Variants in TNS3 observed in about 807,000 individuals in gnomAD.
The protein encoded by TNS3 is tensin 3, also known as tensin-3.
In TNS3, 45 loss-of-function variants were observed where a neutral mutation model predicts 140.9. The ratio of observed to expected loss-of-function variants is 0.32; its 90% CI spans 0.25 to 0.41. The LOEUF is 0.41. Ranked by LOEUF, TNS3 falls within the 10% of genes least tolerant of loss-of-function variation. TNS3 has a pLI of 1.00. For synonymous variants in TNS3, 815 were observed against 788.4 expected (o/e 1.03, Z -0.56); for missense variants, 1,716 against 1,906.7 (o/e 0.90, Z 1.86).
intron 23 of TNS3, among the ~76,000 whole-genome samples, chr7:47,301,737 A>C (rs1383714541): frequency 6.6e-6 from 1 of 151,938 alleles, no homozygotes; most frequent in Non-Finnish European, 1.5e-5. Context: ...CTCATTATTA[A>C]GTGCTTATGT....
intron 4 of TNS3, among the ~76,000 whole-genome samples, chr7:47,475,406 C>T (rs3111214): frequency 0.2 from 30,912 of 152,282 alleles, 3,887 homozygotes; most frequent in Non-Finnish European, 0.29. Flanking sequence ...GGTGCGGGCT[C>T]GGGACCTGCC....
At chr7:47,423,977 G>A in intron 10 of TNS3, 124 bp downstream of exon 10, 1 of 964,914 alleles carries the variant, frequency 1.0e-6, no homozygotes, top group Admixed American at 2.2e-5. Flanking sequence ...CACAGTCTTT[G>A]GCATGACCCA....
At chr7:47,351,076 C>T (rs530926749) in intron 17 of TNS3, among the ~76,000 whole-genome samples, 1 of 152,272 alleles carries the variant, frequency 6.6e-6, no homozygotes, top group South Asian at 2.1e-4. Flanking sequence ...ATATGTATTA[C>T]TTTTTAAAAT....
intron 3 of TNS3, among the ~76,000 whole-genome samples, chr7:47,484,419 G>T (rs1797536304): frequency 6.6e-6 from 1 of 152,182 alleles, no homozygotes; most frequent in African/African-American, 2.4e-5. Context: ...CCTGAAAAGA[G>T]ACTGTATTTC....
rs755713544 is a variant in TNS3 at position 47,352,340 on chromosome 7, TCA to T, written c.2282-5986_2282-5985del. Among the ~76,000 whole-genome samples, 33 of 152,072 alleles carry T rather than the reference TCA, an allele frequency of 2.2e-4. 1 individual carries two copies. The highest frequency in any genetic ancestry group is 3.2e-4 in the Non-Finnish European group (22 of 68,006). ...CAGTCTTGTACACTCACAGACAGCC[TCA>T]CACAGTCTCACACTCATTCTCACAC... On this transcript the variant is annotated intron_variant, in intron 17 of 30. Transcript: ENST00000311160.
chr7:47,347,796 T>C (rs1405877637), intron 17 of TNS3, among the ~76,000 whole-genome samples: 1 of 152,180 alleles, frequency 6.6e-6, no homozygotes. Context: ...GACCTGGGAT[T>C]TGGGGTCTCA....
At chr7:47,352,652 AC>A (rs537417582) in intron 17 of TNS3, among the ~76,000 whole-genome samples, 131 of 152,244 alleles carry the variant, frequency 8.6e-4, no homozygotes, top group African/African-American at 3.0e-3. Context: ...GGACGAGGCC[AC>A]CCATCAGCAT....
intron 13 of TNS3, among the ~76,000 whole-genome samples, chr7:47,402,971 A>G (rs964996576): frequency 1.3e-5 from 2 of 152,232 alleles, no homozygotes; most frequent in Non-Finnish European, 2.9e-5. Flanking sequence ...GAAACTCCTC[A>G]GGAGGCAGCT....
intron 1 of TNS3, among the ~76,000 whole-genome samples, chr7:47,551,462 G>C (rs950663163): frequency 1.4e-4 from 22 of 152,196 alleles, no homozygotes; most frequent in African/African-American, 5.1e-4. Flanking sequence ...GCCACCTCAG[G>C]CCAAAGGGAA....
intron 1 of TNS3, among the ~76,000 whole-genome samples, chr7:47,536,128 A>G (rs148343921): frequency 4.6e-5 from 7 of 152,360 alleles, no homozygotes; most frequent in African/African-American, 1.7e-4. Flanking sequence ...CATCCAACAC[A>G]TATTGTTCCC....
intron 9 of TNS3, among the ~76,000 whole-genome samples, chr7:47,425,199 C>T (rs1794583310): frequency 1.3e-5 from 2 of 152,094 alleles, no homozygotes; most frequent in African/African-American, 4.8e-5. Flanking sequence ...TGCCTATAAT[C>T]CCAGCTACTT....
rs535731996 is a variant in TNS3 at position 47,344,836 on chromosome 7, T to C, written c.2569A>G (p.Lys857Glu). 9.9e-6 allele frequency: 16 copies of C among 1,613,884 alleles called. No homozygotes were observed. In the South Asian group the frequency reaches 1.4e-4, roughly 14 times the overall value. The stretch of plus-strand genomic sequence containing the variant: ...AACGGAGGATGGCGCAGCGCTGTTT[T>C]CACTGGAAAAGAAAGCAGAGCAAGG... ...FPVSPETPYVKTALRHPPFSP... is the reference protein window; with the variant it reads ...FPVSPETPYVETALRHPPFSP... Residue 857 changes from lysine to glutamate, a missense_variant and splice_region_variant, in exon 20 of 31, where the codon AAA becomes GAA. This residue lies in a region of TNS3 where 1,163 missense variants were observed against 1,182.1 expected (regional missense o/e 0.98). Transcript: ENST00000311160.
rs1454827053 is a variant in TNS3 at position 47,303,489 on chromosome 7, G to A, written c.2918C>T (p.Ala973Val). The A allele has an allele frequency of 3.1e-6, 5 of 1,610,490 alleles. No homozygotes were observed. The highest frequency in any genetic ancestry group is 1.1e-5 in the South Asian group (1 of 91,038). ...GTCCTTCCTGGTACCGGAGAACTCA[G>A]CGCTGAGGGGACTTCCGGTGGGCCG... ...SGRPTGSPLS[A>V]EFSGTRKDSP... The change falls in exon 22 of 31, where the codon GCT becomes GTT. Residue 973 changes from alanine (A) to valine (V), a missense_variant. This residue lies in a region of TNS3 where 1,163 missense variants were observed against 1,182.1 expected (regional missense o/e 0.98). Coordinates refer to ENST00000311160, the MANE Select transcript of TNS3 (RefSeq NM_022748.12).
At chr7:47,375,625 A>G (rs756823762) in intron 16 of TNS3, among the ~76,000 whole-genome samples, 1 of 152,198 alleles carries the variant, frequency 6.6e-6, no homozygotes, top group African/African-American at 2.4e-5. Flanking sequence ...CTCAGAAAGT[A>G]TTTCAAAAGT....
intron 20 of TNS3, among the ~76,000 whole-genome samples, chr7:47,321,236 C>T (rs1206067382): frequency 6.6e-6 from 1 of 152,222 alleles, no homozygotes; most frequent in Non-Finnish European, 1.5e-5. Flanking sequence ...CGATTCATAC[C>T]ATGCCTAATG....
chr7:47,566,896 C>T (rs1034486185), intron 1 of TNS3, among the ~76,000 whole-genome samples: 4 of 151,828 alleles, frequency 2.6e-5, no homozygotes, highest in South Asian at 2.1e-4. Flanking sequence ...AGAAAATCAG[C>T]TGGACGTGGT....
intron 27 of TNS3, 51 bp from the exon 28 acceptor site, chr7:47,283,916 G>GC: frequency 6.7e-7 from 1 of 1,485,208 alleles, no homozygotes; most frequent in Non-Finnish European, 9.0e-7. Flanking sequence ...TGGGACAGGT[G>GC]TGTCCTGTTA....
chr7:47,372,668 C>T (rs529255791), intron 16 of TNS3, among the ~76,000 whole-genome samples: 1 of 152,256 alleles, frequency 6.6e-6, no homozygotes, highest in African/African-American at 2.4e-5. Flanking sequence ...ACGTCAGGCC[C>T]ATTCTGAGCA....
intron 2 of TNS3, among the ~76,000 whole-genome samples, chr7:47,525,345 T>C (rs1799154896): frequency 6.6e-6 from 1 of 152,240 alleles, no homozygotes; most frequent in Non-Finnish European, 1.5e-5. Flanking sequence ...TTTGTTCTCG[T>C]GAGTGCCTGG....
Sources: gnomAD v4.1 joint callset for allele counts (sites outside exome capture counted in the v4.1 genomes callset) on GRCh38, gnomAD v4.1.1 for gene constraint, gnomAD v4.1.1 regional missense constraint, MANE v1.5 for transcripts, NCBI Gene and HGNC (gene_info 2026-07-23, HGNC 2026-07-21) for gene names.